SYT1: variants seen among roughly 807,000 people sequenced by gnomAD.
The protein encoded by SYT1 is synaptotagmin-1.
SYT1 carries 8 observed loss-of-function variants against 44.8 expected under a neutral mutation model. The ratio of observed to expected loss-of-function variants is 0.18; its 90% CI spans 0.10 to 0.32. The LOEUF (loss-of-function observed/expected upper bound fraction) is 0.32, where lower values mean the gene tolerates loss of function less well. Ranked by LOEUF, SYT1 falls within the 10% of genes least tolerant of loss-of-function variation. SYT1 has a pLI of 1.00. For missense variants in SYT1, 286 were observed against 509.3 expected (o/e 0.56, Z 4.22); for synonymous variants, 154 against 188.8 (o/e 0.82, Z 1.51).
intron 8 of SYT1, among the ~76,000 whole-genome samples, chr12:79,344,410 A>G (rs936980455): frequency 2.0e-5 from 3 of 152,164 alleles, no homozygotes; most frequent in African/African-American, 7.2e-5. Flanking sequence ...ATGGTGGTCC[A>G]GTGCTCTTTC....
chr12:79,215,735 A>T (rs1451117520), intron 3 of SYT1, among the ~76,000 whole-genome samples: 1 of 151,964 alleles, frequency 6.6e-6, no homozygotes, highest in Non-Finnish European at 1.5e-5. Context: ...TAAAATAAAA[A>T]TTCGTATCTA....
chr12:78,980,211 G>T (rs1316771705), intron 2 of SYT1, among the ~76,000 whole-genome samples: 1 of 152,118 alleles, frequency 6.6e-6, no homozygotes, highest in African/African-American at 2.4e-5. Flanking sequence ...TCTGAACCAT[G>T]AAAAGACGGA....
At chr12:79,163,402 C>T (rs1871064354) in intron 3 of SYT1, among the ~76,000 whole-genome samples, 1 of 152,092 alleles carries the variant, frequency 6.6e-6, no homozygotes, top group Admixed American at 6.6e-5. Context: ...TTTCAGGGAA[C>T]TGTGTAGGCT....
At chr12:78,913,567 A>AT (rs1271832722) in intron 1 of SYT1, among the ~76,000 whole-genome samples, 11 of 151,832 alleles carry the variant, frequency 7.2e-5, no homozygotes, top group Non-Finnish European at 2.9e-5. Context: ...GTCAGTGATT[A>AT]TTTTTTATAA....
At chr12:79,208,739 C>T (rs1339112891) in intron 3 of SYT1, among the ~76,000 whole-genome samples, 2 of 152,176 alleles carry the variant, frequency 1.3e-5, no homozygotes, top group African/African-American at 4.8e-5. Context: ...AAGACATCTT[C>T]AGCATAACAC....
intron 1 of SYT1, among the ~76,000 whole-genome samples, chr12:78,973,700 C>T (rs1305492572): frequency 6.6e-6 from 1 of 151,662 alleles, no homozygotes; most frequent in Non-Finnish European, 1.5e-5. Flanking sequence ...AGTAACTTTA[C>T]AAGAATATTA....
In SYT1 at chr12:79,297,799, A is replaced by G. The variant is rs113379272; in HGVS notation, c.642+1563A>G. On this transcript the variant is annotated intron_variant, in intron 7 of 10. Coordinates refer to ENST00000261205, the MANE Select transcript of SYT1 (RefSeq NM_005639.3). ...TATGATACAGGAATGGAAGTATAAA[A>G]GACTTTAAAGAAGCCTGGCTTTACA... is the stretch of plus-strand genomic sequence containing the variant. 7.9e-5 allele frequency among the ~76,000 whole-genome samples: 12 copies of G among 152,310 alleles called. 1 individual carries two copies. Among genetic ancestry groups the G allele is most frequent in the African/African-American group, 2.9e-4 (12 of 41,590 alleles).
intron 6 of SYT1, among the ~76,000 whole-genome samples, 199 bp from the exon 7 acceptor site, chr12:79,295,870 A>G (rs908113342): frequency 6.6e-6 from 1 of 152,198 alleles, no homozygotes; most frequent in Non-Finnish European, 1.5e-5. Context: ...CAGAGCCTGC[A>G]TCAGTCATAA....
At chr12:79,085,307 A>G (rs573860885) in intron 3 of SYT1, among the ~76,000 whole-genome samples, 3 of 152,298 alleles carry the variant, frequency 2.0e-5, no homozygotes, top group South Asian at 2.1e-4. Flanking sequence ...TTGTGGCGTC[A>G]TGTCTGTGCT....
intron 3 of SYT1, among the ~76,000 whole-genome samples, chr12:79,117,213 TA>T (rs1448011547): frequency 1.3e-5 from 2 of 152,194 alleles, no homozygotes; most frequent in African/African-American, 4.8e-5. Context: ...AATTAAAATG[TA>T]AAAGGTCTGT....
In SYT1 at chr12:79,179,269, G is replaced by T. The variant is rs1263209222; in HGVS notation, c.-17-38234G>T. On this transcript the variant is annotated intron_variant, in intron 3 of 10. Coordinates refer to ENST00000261205, the MANE Select transcript of SYT1 (RefSeq NM_005639.3). Reference sequence around the variant, plus strand: ...ATATAGATATAGATATAGATATATAGATATAGATATAGATATATAGATACA... The same window carrying T: ...ATATAGATATAGATATAGATATATATATATAGATATAGATATATAGATACA... 6.0e-5 allele frequency among the ~76,000 whole-genome samples: 6 copies of T among 99,952 alleles called. 1 individual carries two copies. Among genetic ancestry groups the T allele is most frequent in the African/African-American group, 2.6e-4 (6 of 22,814 alleles). 65.6% of individuals were successfully genotyped at this position (99,952 alleles called of 152,430 possible).
chr12:78,994,844 G>T (rs1870266840), intron 2 of SYT1, among the ~76,000 whole-genome samples: 1 of 152,000 alleles, frequency 6.6e-6, no homozygotes, highest in Non-Finnish European at 1.5e-5. Flanking sequence ...CAATATTTTT[G>T]AAACGAATGT....
intron 1 of SYT1, among the ~76,000 whole-genome samples, chr12:78,969,380 C>T (rs993002067): frequency 2.0e-5 from 3 of 152,036 alleles, no homozygotes; most frequent in Admixed American, 1.3e-4. Context: ...GGAAAAAGAC[C>T]GCAATAAATA....
At chr12:79,244,041 C>G (rs1876675958) in intron 4 of SYT1, among the ~76,000 whole-genome samples, 1 of 151,982 alleles carries the variant, frequency 6.6e-6, no homozygotes, top group African/African-American at 2.4e-5. Flanking sequence ...TATATTTTAC[C>G]CAGTTTCATA....
intron 3 of SYT1, among the ~76,000 whole-genome samples, chr12:79,094,806 C>T (rs974267143): frequency 4.6e-5 from 7 of 151,772 alleles, no homozygotes; most frequent in African/African-American, 1.7e-4. Flanking sequence ...GGTATATCTA[C>T]AAGAAACTCA....
chr12:78,995,888 G>C (rs528331451), intron 2 of SYT1: 1 of 152,248 alleles, frequency 6.6e-6, no homozygotes, highest in East Asian at 1.9e-4. Flanking sequence ...ATGAACTGTG[G>C]TGTTATTTGC....
rs369210387 is a variant in SYT1 at position 79,342,866 on chromosome 12, G to A, written c.811-10636G>A. Among the ~76,000 whole-genome samples, 138 of 152,310 alleles carry A rather than the reference G, an allele frequency of 9.1e-4. 2 individuals carry two copies. Among genetic ancestry groups the A allele is most frequent in the South Asian group, 7.7e-3 (37 of 4,824 alleles). On this transcript the variant is annotated intron_variant, in intron 8 of 10. Transcript: ENST00000261205. The stretch of plus-strand genomic sequence containing the variant: ...CTAAAACGAGTGTGAGATATTCAAT[G>A]ACTAGTGGACAGTTAGATATAAAAG...
intron 1 of SYT1, among the ~76,000 whole-genome samples, chr12:78,889,018 T>C (rs1256690025): frequency 6.6e-6 from 1 of 151,938 alleles, no homozygotes; most frequent in Non-Finnish European, 1.5e-5. Context: ...CTTTCCCCTT[T>C]TTAGACTACT....
intron 3 of SYT1, among the ~76,000 whole-genome samples, chr12:79,184,587 T>C (rs1872709109): frequency 6.6e-6 from 1 of 152,006 alleles, no homozygotes; most frequent in South Asian, 2.1e-4. Flanking sequence ...ATTGCTGTTG[T>C]CACCAACAGA....
Sources: gnomAD v4.1 joint callset for allele counts (sites outside exome capture counted in the v4.1 genomes callset) on GRCh38, gnomAD v4.1.1 for gene constraint, MANE v1.5 for transcripts, NCBI Gene and HGNC (gene_info 2026-07-23, HGNC 2026-07-21) for gene names.